The following PLPP3 variants were observed in gnomAD, a reference collection of about 807,000 sequenced individuals.
PLPP3 encodes the protein phospholipid phosphatase 3.
Under a neutral mutation model 29.6 loss-of-function variants are expected in PLPP3, and 6 were observed. That is an observed-to-expected ratio of 0.20 (90% CI 0.11 to 0.40). The LOEUF (loss-of-function observed/expected upper bound fraction) is 0.40. PLPP3 is among the 10% of genes least tolerant of loss of function. The pLI, the probability that PLPP3 is intolerant of heterozygous loss-of-function variation, is 1.00. For missense variants in PLPP3, 308 were observed against 407.7 expected (o/e 0.76, Z 2.11); for synonymous variants, 152 against 159.7 (o/e 0.95, Z 0.36).
At chr1:56,521,137 A>C (rs1194943712) in intron 4 of PLPP3, among the ~76,000 whole-genome samples, 2 of 145,000 alleles carry the variant, frequency 1.4e-5, no homozygotes, top group African/African-American at 5.1e-5. Flanking sequence ...CAGGTGGCTG[A>C]GGTGGAAGGA....
intron 5 of PLPP3, among the ~76,000 whole-genome samples, chr1:56,503,001 A>T (rs1488199150): frequency 1.3e-5 from 2 of 152,160 alleles, no homozygotes; most frequent in East Asian, 3.9e-4. Context: ...CCCTCTTTGG[A>T]GGAGAAAGCC....
At position 56,573,977 on chromosome 1, in the gene PLPP3, A is replaced by T. The variant is rs188594078; in HGVS notation, c.139+4901T>A. Among the ~76,000 whole-genome samples the T allele has an allele frequency of 1.4e-4, 22 of 152,260 alleles. No individual in the cohort carries two copies. The East Asian group carries it at 4.1e-3, about 28-fold the overall frequency. Reference sequence around the variant, plus strand: ...AGCACTTTGGGAGGCTGAAGCGGGCAGATCACAAAGTCAGGAGATCGAGAC... The same window carrying T: ...AGCACTTTGGGAGGCTGAAGCGGGCTGATCACAAAGTCAGGAGATCGAGAC... On this transcript the variant is annotated intron_variant, in intron 1 of 5. Transcript: ENST00000371250.
intron 1 of PLPP3, among the ~76,000 whole-genome samples, chr1:56,558,411 T>C (rs187494963): frequency 7.7e-4 from 118 of 152,356 alleles, no homozygotes; most frequent in South Asian, 1.0e-3. Flanking sequence ...CATATGATTC[T>C]CTGGCAGGAC....
chr1:56,556,005 T>G (rs765223462), intron 1 of PLPP3, among the ~76,000 whole-genome samples: 1 of 152,142 alleles, frequency 6.6e-6, no homozygotes, highest in Non-Finnish European at 1.5e-5. Context: ...TATTCATGAG[T>G]AGGAAACAGG....
At chr1:56,527,780 C>G (rs1645861453) in intron 2 of PLPP3, among the ~76,000 whole-genome samples, 1 of 152,154 alleles carries the variant, frequency 6.6e-6, no homozygotes, top group Non-Finnish European at 1.5e-5. Flanking sequence ...CCTTAAAAGT[C>G]TATTTAATGA....
chr1:56,533,537 TGA>T (rs1645904793), intron 2 of PLPP3, among the ~76,000 whole-genome samples: 3 of 152,154 alleles, frequency 2.0e-5, no homozygotes, highest in Non-Finnish European at 4.4e-5. Flanking sequence ...TACTTAGTTA[TGA>T]GAGAGTCACT....
At chr1:56,557,008 A>AAGAG (rs776934339) in intron 1 of PLPP3, among the ~76,000 whole-genome samples, 598 of 13,746 alleles carry the variant, frequency 0.044, 152 homozygotes, top group Admixed American at 0.098. Flanking sequence ...GAAAGAAAGA[A>AAGAG]AGAGAGAGAG....
chr1:56,515,952 C>T (rs555323602), intron 4 of PLPP3, among the ~76,000 whole-genome samples: 108 of 152,254 alleles, frequency 7.1e-4, no homozygotes, highest in African/African-American at 2.3e-3. Flanking sequence ...AGGAACCTGT[C>T]CGGCACAGGA....
At chr1:56,554,370 AGACCAT>A (rs1646060009) in intron 1 of PLPP3, among the ~76,000 whole-genome samples, 3 of 152,056 alleles carry the variant, frequency 2.0e-5, no homozygotes, top group Non-Finnish European at 4.4e-5. Flanking sequence ...TAGGAGATAG[AGACCAT>A]CCTGGCTAAC....
intron 5 of PLPP3, among the ~76,000 whole-genome samples, chr1:56,500,232 C>A (rs1445768047): frequency 1.3e-5 from 2 of 152,098 alleles, no homozygotes; most frequent in Non-Finnish European, 2.9e-5. Flanking sequence ...GTCTTTTACC[C>A]TCAAGGAGTT....
At chr1:56,565,824 C>T (rs949429316) in intron 1 of PLPP3, among the ~76,000 whole-genome samples, 34 of 152,210 alleles carry the variant, frequency 2.2e-4, no homozygotes, top group Admixed American at 1.6e-3. Context: ...GGTGTCCAGC[C>T]TTTTCAGCAA....
At chr1:56,501,243 G>A (rs1645666187) in intron 5 of PLPP3, among the ~76,000 whole-genome samples, 1 of 152,014 alleles carries the variant, frequency 6.6e-6, no homozygotes, top group African/African-American at 2.4e-5. Context: ...GGGAGGCAAT[G>A]TTTTTCTTTC....
chr1:56,534,327 A>C (rs537881779), intron 2 of PLPP3, among the ~76,000 whole-genome samples: 4 of 152,312 alleles, frequency 2.6e-5, no homozygotes, highest in Non-Finnish European at 5.9e-5. Flanking sequence ...AGGTTTTTCC[A>C]TATCTCCTGC....
chr1:56,560,300 C>T (rs1448394478), intron 1 of PLPP3, among the ~76,000 whole-genome samples: 1 of 152,190 alleles, frequency 6.6e-6, no homozygotes, highest in Non-Finnish European at 1.5e-5. Context: ...TAAAATTGTT[C>T]AGGTGCTTTC....
At chr1:56,571,818 C>G (rs986573949) in intron 1 of PLPP3, among the ~76,000 whole-genome samples, 1 of 152,156 alleles carries the variant, frequency 6.6e-6, no homozygotes, top group Non-Finnish European at 1.5e-5. Flanking sequence ...GGTAACCTGA[C>G]AAGAGCTCTG....
chr1:56,512,777 A>T (rs1645752311), intron 4 of PLPP3: 1 of 152,198 alleles, frequency 6.6e-6, no homozygotes, highest in African/African-American at 2.4e-5. Flanking sequence ...ACATAGTAGG[A>T]ACGTAATAAA....
At chr1:56,542,417 T>C (rs1028326029) in intron 1 of PLPP3, among the ~76,000 whole-genome samples, 1 of 152,114 alleles carries the variant, frequency 6.6e-6, no homozygotes, top group Non-Finnish European at 1.5e-5. Context: ...AAGCCCTTGG[T>C]GAGGCTAAGA....
chr1:56,555,447 A>AAAC (rs1553139172), intron 1 of PLPP3, among the ~76,000 whole-genome samples: 1 of 148,290 alleles, frequency 6.7e-6, no homozygotes, highest in East Asian at 1.9e-4. Flanking sequence ...AAAAAAAAAA[A>AAAC]AAAAAAAAAA....
At chr1:56,518,888 T>C (rs1225693097) in intron 4 of PLPP3, among the ~76,000 whole-genome samples, 2 of 151,552 alleles carry the variant, frequency 1.3e-5, no homozygotes, top group Non-Finnish European at 2.9e-5. Context: ...AAAAAGCAAG[T>C]AAGTATGTAG....
Sources: gnomAD v4.1 joint callset for allele counts (sites outside exome capture counted in the v4.1 genomes callset) on GRCh38, gnomAD v4.1.1 for gene constraint, MANE v1.5 for transcripts, NCBI Gene and HGNC (gene_info 2026-07-23, HGNC 2026-07-21) for gene names.